The following LRRTM4 variants were observed in gnomAD, a reference collection of about 807,000 sequenced individuals.
LRRTM4 encodes leucine rich repeat transmembrane neuronal 4, also known as leucine-rich repeat transmembrane neuronal protein 4.
LRRTM4 carries 25 observed loss-of-function variants against 47.6 expected under a neutral mutation model. That is an observed-to-expected ratio of 0.53 (90% CI 0.38 to 0.73). LRRTM4 has a LOEUF of 0.73. LRRTM4 is among the 30% of genes least tolerant of loss of function. The probability of loss-of-function intolerance (pLI) is 0.00; values close to 1 mark genes in which losing one functional copy is unlikely to be tolerated. For missense variants in LRRTM4, 638 were observed against 713.4 expected, an observed-to-expected ratio of 0.89 and a Z score of 1.20; for synonymous variants, 311 against 269.5, an observed-to-expected ratio of 1.15 and a Z score of -1.51.
intron 3 of LRRTM4, among the ~76,000 whole-genome samples, chr2:76,809,521 C>T (rs751155524): frequency 2.1e-4 from 32 of 152,138 alleles, no homozygotes; most frequent in Non-Finnish European, 4.3e-4. Flanking sequence ...AACCTACATA[C>T]TTCCTACCCT....
rs1680078472 is a variant in LRRTM4 at position 77,069,466 on chromosome 2, G to C, written c.1552-320550C>G. Reference sequence around the variant, plus strand: ...GTGTGTGTTGGAAGAGTTCAAGAAGGATTTGTGGCAATTCTGTTTTTAAAT... The same window carrying C: ...GTGTGTGTTGGAAGAGTTCAAGAAGCATTTGTGGCAATTCTGTTTTTAAAT... On this transcript the variant is annotated intron_variant, in intron 3 of 3. Transcript: ENST00000409884. 2.6e-5 allele frequency among the ~76,000 whole-genome samples: 4 copies of C among 150,960 alleles called. No individual in the cohort carries two copies. In the South Asian group the frequency reaches 8.3e-4, roughly 31 times the overall value.
rs570057713 is a variant in LRRTM4 at position 77,292,992 on chromosome 2, A to G, written c.1551+225326T>C. Among the ~76,000 whole-genome samples the G allele has an allele frequency of 2.0e-5, 3 of 151,932 alleles. No individual in the cohort carries two copies. In the South Asian group the frequency reaches 6.2e-4, roughly 32 times the overall value. ...CCTAAAACTTAAAGTATAATAATAA[A>G]AAAATATATATACCATATTGTGTCA... On this transcript the variant is annotated intron_variant, in intron 3 of 3. Transcript: ENST00000409884.
chr2:76,843,801 T>C (rs1008131254), intron 3 of LRRTM4, among the ~76,000 whole-genome samples: 1 of 152,218 alleles, frequency 6.6e-6, no homozygotes, highest in Non-Finnish European at 1.5e-5. Context: ...TACTTATATG[T>C]ATCTTCAAAA....
chr2:77,249,470 G>A (rs1376405349), intron 3 of LRRTM4, among the ~76,000 whole-genome samples: 1 of 140,828 alleles, frequency 7.1e-6, no homozygotes, highest in East Asian at 2.0e-4. Context: ...ATCTGACAAT[G>A]CATTGTTATT....
chr2:77,024,023 C>T (rs7573982), intron 3 of LRRTM4, among the ~76,000 whole-genome samples: 22 of 152,024 alleles, frequency 1.4e-4, no homozygotes, highest in East Asian at 5.8e-4. Flanking sequence ...CATGATCGGG[C>T]GCAAAAGTGC....
intron 3 of LRRTM4, among the ~76,000 whole-genome samples, chr2:76,914,349 C>CT (rs1674173152): frequency 6.6e-6 from 1 of 151,990 alleles, no homozygotes; most frequent in East Asian, 1.9e-4. Flanking sequence ...TAAAATTCTA[C>CT]TTTTTTTCTG....
chr2:76,766,039 A>G (rs941370186), intron 3 of LRRTM4, among the ~76,000 whole-genome samples: 1 of 152,228 alleles, frequency 6.6e-6, no homozygotes, highest in Non-Finnish European at 1.5e-5. Flanking sequence ...ACTGAGAGGA[A>G]GACCACAAGG....
At chr2:77,112,737 T>C (rs987708479) in intron 3 of LRRTM4, among the ~76,000 whole-genome samples, 1 of 151,918 alleles carries the variant, frequency 6.6e-6, no homozygotes, top group African/African-American at 2.4e-5. Flanking sequence ...AAAGAAAGGA[T>C]CAGTCGAGCC....
intron 3 of LRRTM4, among the ~76,000 whole-genome samples, chr2:76,871,729 T>C (rs1672629520): frequency 6.6e-6 from 1 of 152,208 alleles, no homozygotes; most frequent in African/African-American, 2.4e-5. Context: ...TACAATTGTG[T>C]ATTCCATACT....
chr2:77,250,886 C>T lies in LRRTM4; in HGVS notation c.1551+267432G>A, dbSNP rs555815038. Among the ~76,000 whole-genome samples the T allele has an allele frequency of 1.4e-3, 211 of 152,096 alleles. 2 individuals are homozygous for T. The highest frequency in any genetic ancestry group is 4.8e-3 in the African/African-American group (199 of 41,528). On this transcript the variant is annotated intron_variant, in intron 3 of 3. Coordinates refer to ENST00000409884, the MANE Select transcript of LRRTM4 (RefSeq NM_001134745.3). Reference sequence around the variant, plus strand: ...TGGGAGGCTGAGGAGGGCAGATCACCTGAGGTGGGGAGTTCGAGACCAGTC... The same window carrying T: ...TGGGAGGCTGAGGAGGGCAGATCACTTGAGGTGGGGAGTTCGAGACCAGTC...
At chr2:77,245,694 C>T (rs745890781) in intron 3 of LRRTM4, among the ~76,000 whole-genome samples, 19 of 151,978 alleles carry the variant, frequency 1.3e-4, no homozygotes, top group South Asian at 8.3e-4. Flanking sequence ...AGCAAACTAG[C>T]TCTCAATCTA....
chr2:77,388,304 G>A lies in LRRTM4; in HGVS notation c.1551+130014C>T, dbSNP rs567705857. On this transcript the variant is annotated intron_variant, in intron 3 of 3. Coordinates refer to ENST00000409884, the MANE Select transcript of LRRTM4 (RefSeq NM_001134745.3). ...GTCCAAATCCCTTTAAGGTCATACCGTGCAGTTGGTGGAAAAGATCTTATA... is the reference window on the plus strand; with the variant it reads ...GTCCAAATCCCTTTAAGGTCATACCATGCAGTTGGTGGAAAAGATCTTATA... Among the ~76,000 whole-genome samples, 50 of 152,140 alleles carry A rather than the reference G, an allele frequency of 3.3e-4. 1 individual carries two copies. In the South Asian group the frequency reaches 9.5e-3, roughly 29 times the overall value.
At chr2:76,880,483 CTAGAG>C (rs778483589) in intron 3 of LRRTM4, among the ~76,000 whole-genome samples, 6 of 151,902 alleles carry the variant, frequency 3.9e-5, no homozygotes, top group Non-Finnish European at 8.8e-5. Flanking sequence ...ACTTGGTAAA[CTAGAG>C]TAGAGTTTAA....
intron 3 of LRRTM4, among the ~76,000 whole-genome samples, chr2:77,064,524 C>T (rs1209625616): frequency 1.3e-5 from 2 of 152,074 alleles, no homozygotes; most frequent in Non-Finnish European, 2.9e-5. Context: ...TGAAAGTCAC[C>T]TGTCAAAAAT....
intron 3 of LRRTM4, among the ~76,000 whole-genome samples, chr2:76,763,010 G>A (rs1481038447): frequency 6.6e-6 from 1 of 152,162 alleles, no homozygotes; most frequent in Non-Finnish European, 1.5e-5. Context: ...TAGAGTCTCA[G>A]AAGATTGAGG....
At chr2:77,029,623 C>T (rs1228476393) in intron 3 of LRRTM4, among the ~76,000 whole-genome samples, 1 of 152,086 alleles carries the variant, frequency 6.6e-6, no homozygotes. Context: ...TATTAGCCAT[C>T]ACAGAGATGA....
At chr2:76,842,790 T>C (rs1022875639) in intron 3 of LRRTM4, among the ~76,000 whole-genome samples, 2 of 152,202 alleles carry the variant, frequency 1.3e-5, no homozygotes, top group Non-Finnish European at 1.5e-5. Flanking sequence ...GTTTGTTACA[T>C]AGGTATACAT....
chr2:76,933,479 G>T (rs1407039950), intron 3 of LRRTM4, among the ~76,000 whole-genome samples: 3 of 151,348 alleles, frequency 2.0e-5, no homozygotes, highest in African/African-American at 4.9e-5. Context: ...TTTCAAAAAG[G>T]TAAATAGAAT....
At chr2:76,757,363 T>C (rs934958914) in intron 3 of LRRTM4, among the ~76,000 whole-genome samples, 1 of 152,096 alleles carries the variant, frequency 6.6e-6, no homozygotes, top group Non-Finnish European at 1.5e-5. Context: ...AAAGATCCAT[T>C]TCCATCTTTA....
Sources: gnomAD v4.1 joint callset for allele counts (sites outside exome capture counted in the v4.1 genomes callset) on GRCh38, gnomAD v4.1.1 for gene constraint, MANE v1.5 for transcripts, NCBI Gene and HGNC (gene_info 2026-07-23, HGNC 2026-07-21) for gene names.